RABGAP1: variants seen among roughly 807,000 people sequenced by gnomAD.
RABGAP1 encodes the protein rab GTPase-activating protein 1.
In RABGAP1, 23 loss-of-function variants were observed where a neutral mutation model predicts 137.6. The observed-to-expected ratio is 0.17, with a 90% CI of 0.12 to 0.24. The LOEUF (loss-of-function observed/expected upper bound fraction) is 0.24, where lower values mean the gene tolerates loss of function less well. Among genes scored for constraint, RABGAP1 ranks in the 10% least tolerant of loss-of-function variants. The pLI, the probability that RABGAP1 is intolerant of heterozygous loss-of-function variation, is 1.00. For missense variants in RABGAP1, 906 were observed against 1,275.8 expected (o/e 0.71, Z 4.42); for synonymous variants, 451 against 450.7 (o/e 1.00, Z -0.01).
chr9:123,078,011 C>A (rs1048785615), intron 19 of RABGAP1, among the ~76,000 whole-genome samples: 1 of 152,042 alleles, frequency 6.6e-6, no homozygotes, highest in Non-Finnish European at 1.5e-5. Flanking sequence ...TGTGTGTAAA[C>A]TGATATAACA....
At chr9:123,017,086 T>G (rs2031288372) in intron 12 of RABGAP1, among the ~76,000 whole-genome samples, 1 of 152,244 alleles carries the variant, frequency 6.6e-6, no homozygotes, top group African/African-American at 2.4e-5. Context: ...AGACAAAACT[T>G]CTGGTGCTCT....
chr9:122,945,646 T>A lies in RABGAP1; in HGVS notation c.-50+4553T>A, dbSNP rs561942602. 7.9e-5 allele frequency among the ~76,000 whole-genome samples: 12 copies of A among 152,350 alleles called. No homozygotes were observed. In the South Asian group the frequency reaches 1.4e-3, roughly 18 times the overall value. Reference sequence around the variant, plus strand: ...TCCAAGAATTAATGCATAGTTGTTATGTATTTCCTGTTAAGGTTGCATCAG... The same window carrying A: ...TCCAAGAATTAATGCATAGTTGTTAAGTATTTCCTGTTAAGGTTGCATCAG... On this transcript the variant is annotated intron_variant, in intron 1 of 25. Coordinates refer to ENST00000373647, the MANE Select transcript of RABGAP1 (RefSeq NM_012197.4).
intron 4 of RABGAP1, among the ~76,000 whole-genome samples, chr9:122,989,031 A>G (rs1411877903): frequency 2.0e-5 from 3 of 148,514 alleles, no homozygotes; most frequent in Non-Finnish European, 4.6e-5. Context: ...AGCAGACTGT[A>G]TAAGAAATGT....
At chr9:123,101,377 T>C (rs1453604634) in intron 24 of RABGAP1, among the ~76,000 whole-genome samples, 189 bp from the exon 25 acceptor site, 1 of 152,180 alleles carries the variant, frequency 6.6e-6, no homozygotes, top group Non-Finnish European at 1.5e-5. Flanking sequence ...AATTTTATTA[T>C]TTTTGGTGTA....
intron 10 of RABGAP1, among the ~76,000 whole-genome samples, chr9:123,006,401 T>G (rs12379325): frequency 0.21 from 32,083 of 152,120 alleles, 4,676 homozygotes; most frequent in East Asian, 0.65. Flanking sequence ...AAGTGTGGAT[T>G]TGATTTAATC....
intron 6 of RABGAP1, among the ~76,000 whole-genome samples, chr9:122,992,388 A>G (rs1399905071): frequency 3.9e-5 from 6 of 152,038 alleles, no homozygotes; most frequent in Admixed American, 6.6e-5. Context: ...GTAAATTCTA[A>G]TTATTAAATA....
chr9:122,989,711 A>C (rs993210479), intron 5 of RABGAP1: 1 of 560,478 alleles, frequency 1.8e-6, no homozygotes, highest in African/African-American at 1.9e-5. Context: ...GATTGGGTTA[A>C]GTAGGCATTC....
chr9:122,994,039 A>G (rs1169654521), intron 6 of RABGAP1, among the ~76,000 whole-genome samples: 2 of 152,240 alleles, frequency 1.3e-5, no homozygotes, highest in African/African-American at 4.8e-5. Context: ...AACCGTCCTC[A>G]TGAGATAAAT....
At chr9:123,055,445 T>C (rs191478136) in intron 13 of RABGAP1, among the ~76,000 whole-genome samples, 2 of 152,234 alleles carry the variant, frequency 1.3e-5, no homozygotes, top group Admixed American at 1.3e-4. Context: ...TTGCCCAGGC[T>C]GGTCTTGAAC....
At chr9:123,049,570 T>A (rs1463754592) in intron 13 of RABGAP1, among the ~76,000 whole-genome samples, 1 of 152,244 alleles carries the variant, frequency 6.6e-6, no homozygotes, top group East Asian at 1.9e-4. Flanking sequence ...ATACTCTTAT[T>A]GTATCACTTA....
intron 2 of RABGAP1, among the ~76,000 whole-genome samples, chr9:122,977,574 C>T (rs118148792): frequency 0.022 from 3,392 of 152,230 alleles, 58 homozygotes; most frequent in Middle Eastern, 0.041. Flanking sequence ...GGCGTGATGG[C>T]GCATGCCTGT....
At chr9:123,096,635 C>A (rs1374461550) in intron 21 of RABGAP1, among the ~76,000 whole-genome samples, 1 of 152,200 alleles carries the variant, frequency 6.6e-6, no homozygotes, top group East Asian at 1.9e-4. Flanking sequence ...ATGGTGCGAT[C>A]TTGGCTCACT....
intron 19 of RABGAP1, among the ~76,000 whole-genome samples, chr9:123,079,205 T>C (rs2034619466): frequency 2.1e-5 from 2 of 96,138 alleles, no homozygotes; most frequent in South Asian, 1.0e-3. Context: ...CTTTTGTTGT[T>C]GTTGTTTGTT....
At chr9:122,992,354 A>G (rs1487182942) in intron 6 of RABGAP1, among the ~76,000 whole-genome samples, 1 of 152,038 alleles carries the variant, frequency 6.6e-6, no homozygotes, top group Non-Finnish European at 1.5e-5. Flanking sequence ...TTCTTTATTG[A>G]AAATATTTAT....
At chr9:123,055,276 TGACCC>T (rs2033645054) in intron 13 of RABGAP1, among the ~76,000 whole-genome samples, 1 of 152,112 alleles carries the variant, frequency 6.6e-6, no homozygotes, top group African/African-American at 2.4e-5. Context: ...ACTGCAGCTT[TGACCC>T]CCCAGGCTCA....
intron 19 of RABGAP1, among the ~76,000 whole-genome samples, chr9:123,082,475 GTCT>G (rs1441932989): frequency 2.0e-5 from 3 of 152,164 alleles, no homozygotes; most frequent in Non-Finnish European, 4.4e-5. Context: ...ATATTGAAAG[GTCT>G]TTTAGATTTT....
chr9:122,961,818 T>C (rs7027727), intron 2 of RABGAP1, among the ~76,000 whole-genome samples: 150,192 of 152,184 alleles, frequency 0.99, 74,147 homozygotes, highest in Non-Finnish European at 1. Flanking sequence ...CTATGAGATG[T>C]GGAAATGTAA....
At chr9:122,932,394 C>T in the RABGAP1 span, among the ~76,000 whole-genome samples, 1 of 152,136 alleles carries the variant, frequency 6.6e-6, no homozygotes, top group African/African-American at 2.4e-5. Context: ...GCCTTTCCCT[C>T]TTTTTAATGT....
At chr9:123,100,180 T>G (rs899061217) in intron 24 of RABGAP1, among the ~76,000 whole-genome samples, 1 of 152,142 alleles carries the variant, frequency 6.6e-6, no homozygotes, top group Non-Finnish European at 1.5e-5. Context: ...CATGGTGCTT[T>G]CTTTCTTTAA....
Sources: allele counts gnomAD v4.1 joint callset (sites outside exome capture counted in the v4.1 genomes callset), GRCh38; gene constraint gnomAD v4.1.1; transcripts MANE v1.5; gene names NCBI Gene and HGNC (gene_info 2026-07-23, HGNC 2026-07-21).